Variants in ANKRD30A observed in about 807,000 individuals in gnomAD.
ANKRD30A encodes the protein ankyrin repeat domain 30A.
In ANKRD30A, 170 loss-of-function variants were observed where a neutral mutation model predicts 166.3. That is an observed-to-expected ratio of 1.02 (90% CI 0.90 to 1.16). The LOEUF (loss-of-function observed/expected upper bound fraction) is 1.16. ANKRD30A is among the 50% of genes most tolerant of loss of function. The pLI is 0.00. For missense variants in ANKRD30A, 1,630 were observed against 1,518.0 expected (o/e 1.07, Z -1.23); for synonymous variants, 564 against 508.9 (o/e 1.11, Z -1.46).
chr10:37,130,116 T>G, intron 2 of ANKRD30A, 89 bp from the exon 3 acceptor site: 1 of 1,157,202 alleles, frequency 8.6e-7, no homozygotes, highest in Non-Finnish European at 1.1e-6. Flanking sequence ...CTGTGGAATA[T>G]TTATTTTGAT....
rs1835984155 is a variant in ANKRD30A, at chr10:37,126,027, G to A, written c.221+19G>A. On this transcript the variant is annotated intron_variant, in intron 1 of 35. Coordinates refer to ENST00000361713, the MANE Select transcript of ANKRD30A (RefSeq NM_052997.3). Reference sequence around the variant, plus strand: ...AGAAGAGGTACCAGGCCCTGCCTGAGCCGGGGCTGCAGGAGGAGGTGGGGG... The same window carrying A: ...AGAAGAGGTACCAGGCCCTGCCTGAACCGGGGCTGCAGGAGGAGGTGGGGG... 1 of 1,610,810 alleles carries A rather than the reference G, an allele frequency of 6.2e-7. No homozygotes were observed.
At chr10:37,227,897 T>C (rs1843235519) in intron 34 of ANKRD30A, among the ~76,000 whole-genome samples, 1 of 151,992 alleles carries the variant, frequency 6.6e-6, no homozygotes, top group South Asian at 2.1e-4. Context: ...GACTGTAAGC[T>C]TTTCTTATTG....
intron 18 of ANKRD30A, 126 bp downstream of exon 18, chr10:37,165,281 AG>A (rs1839227672): frequency 1.1e-6 from 1 of 904,986 alleles, no homozygotes; most frequent in Admixed American, 2.5e-5. Context: ...GATGTTTTTC[AG>A]TATATGCTTA....
the ANKRD30A span, among the ~76,000 whole-genome samples, chr10:37,258,923 A>G: frequency 2.1e-5 from 3 of 146,222 alleles, no homozygotes; most frequent in Admixed American, 2.1e-4. Flanking sequence ...AGATTGTGCT[A>G]CTGCACCCTA....
At chr10:37,192,997 G>A (rs1840725395) in intron 25 of ANKRD30A, 67 bp from the exon 26 acceptor site, 7 of 1,522,316 alleles carry the variant, frequency 4.6e-6, no homozygotes, top group East Asian at 4.5e-5. Context: ...TGTTGACAGT[G>A]CGTGAATGTT....
chr10:37,200,012 C>T (rs557527462), intron 30 of ANKRD30A, among the ~76,000 whole-genome samples: 1 of 151,968 alleles, frequency 6.6e-6, no homozygotes, highest in African/African-American at 2.4e-5. Flanking sequence ...CCGTGTGGTA[C>T]AGTGGAAATA....
downstream of ANKRD30A, among the ~76,000 whole-genome samples, chr10:37,235,636 T>C (rs1047406985): frequency 6.6e-6 from 1 of 152,190 alleles, no homozygotes; most frequent in Admixed American, 6.5e-5. Context: ...TACAGCAATA[T>C]TTTAAACTTA....
At chr10:37,221,031 T>G (rs1477113834) in intron 34 of ANKRD30A, among the ~76,000 whole-genome samples, 4 of 148,536 alleles carry the variant, frequency 2.7e-5, no homozygotes, top group Admixed American at 6.9e-5. Context: ...TTACCACCAT[T>G]AGTCCTTCCC....
chr10:37,243,522 C>G, the ANKRD30A span, among the ~76,000 whole-genome samples: 1 of 152,046 alleles, frequency 6.6e-6, no homozygotes, highest in Non-Finnish European at 1.5e-5. Context: ...ATTCGAGGGT[C>G]AATTGCATTT....
the ANKRD30A span, among the ~76,000 whole-genome samples, chr10:37,247,738 C>T: frequency 4.0e-5 from 6 of 149,734 alleles, no homozygotes; most frequent in East Asian, 2.0e-4. Flanking sequence ...AAAAATTAGC[C>T]GGGCGTGGTG....
At chr10:37,165,601 A>G (rs2486123) in intron 18 of ANKRD30A, among the ~76,000 whole-genome samples, 84,101 of 151,492 alleles carry the variant, frequency 0.56, 23,881 homozygotes, top group African/African-American at 0.61. Flanking sequence ...GGACTTGAAC[A>G]TATTGACATA....
chr10:37,220,313 A>T (rs1842843534), intron 34 of ANKRD30A, among the ~76,000 whole-genome samples: 1 of 150,952 alleles, frequency 6.6e-6, no homozygotes. Context: ...AGTATTTTGA[A>T]ATTAAGATTC....
At chr10:37,193,455 A>T (rs1185508124) in intron 27 of ANKRD30A, among the ~76,000 whole-genome samples, 197 bp downstream of exon 27, 1 of 152,096 alleles carries the variant, frequency 6.6e-6, no homozygotes, top group African/African-American at 2.4e-5. Flanking sequence ...TAGAAAAAAA[A>T]TTCTGCTTTA....
rs760767253 is a variant in ANKRD30A, at chr10:37,193,183, T to C, written c.2542-3T>C. 6.2e-7 allele frequency: 1 copy of C among 1,612,024 alleles called. No individual in the cohort carries two copies. The highest frequency in any genetic ancestry group is 8.5e-7 in the Non-Finnish European group (1 of 1,179,316). ...TAATTGTTTTGTTTCTAAACCCATT[T>C]AGGCTCCCTGCAGAATGAAAGTTTC... On this transcript the variant is annotated splice_region_variant and splice_polypyrimidine_tract_variant and intron_variant, in intron 26 of 35. Transcript: ENST00000361713.
the ANKRD30A span, among the ~76,000 whole-genome samples, chr10:37,259,837 T>C: frequency 6.6e-6 from 1 of 152,146 alleles, no homozygotes; most frequent in Admixed American, 6.6e-5. Flanking sequence ...TGAGAGAGTA[T>C]TGCAGAGGGG....
chr10:37,193,122 A>G (rs370823267), intron 26 of ANKRD30A, 30 bp downstream of exon 26: 1 of 1,604,120 alleles, frequency 6.2e-7, no homozygotes, highest in Non-Finnish European at 8.5e-7. Flanking sequence ...TATCTTGAGT[A>G]TTAACTACAT....
At chr10:37,139,363 CATTT>C (rs1161480669) in intron 6 of ANKRD30A, among the ~76,000 whole-genome samples, 1 of 152,154 alleles carries the variant, frequency 6.6e-6, no homozygotes, top group Non-Finnish European at 1.5e-5. Flanking sequence ...GCCCTGTGGG[CATTT>C]ATTAGTAAAG....
intron 27 of ANKRD30A, among the ~76,000 whole-genome samples, chr10:37,193,973 T>C (rs1424091655): frequency 6.6e-6 from 1 of 152,018 alleles, no homozygotes; most frequent in African/African-American, 2.4e-5. Flanking sequence ...GGCAGACAGA[T>C]AAGTTAAGGT....
At chr10:37,190,789 T>A (rs1328631539) in intron 25 of ANKRD30A, among the ~76,000 whole-genome samples, 1 of 151,780 alleles carries the variant, frequency 6.6e-6, no homozygotes, top group African/African-American at 2.4e-5. Context: ...GACTCATTAA[T>A]AATCTTTATT....
Sources: allele counts gnomAD v4.1 joint callset (sites outside exome capture counted in the v4.1 genomes callset), GRCh38; gene constraint gnomAD v4.1.1; transcripts MANE v1.5; gene names NCBI Gene and HGNC (gene_info 2026-07-23, HGNC 2026-07-21).